DNAH6: variants seen among roughly 807,000 people sequenced by gnomAD.
DNAH6 encodes axonemal beta dynein heavy chain 6.
A neutral mutation model predicts 491.4 loss-of-function variants in DNAH6; 340 were observed. The observed-to-expected ratio is 0.69, with a 90% confidence interval of 0.63 to 0.76. DNAH6 has a LOEUF of 0.76. DNAH6 is among the 30% of genes least tolerant of loss of function. The pLI is 0.00. For missense variants in DNAH6, 4,443 were observed against 4,972.2 expected (o/e 0.89, Z 3.20); for synonymous variants, 1,603 against 1,686.1 (o/e 0.95, Z 1.21).
chr2:84,786,293 G>T (rs1285714217), intron 67 of DNAH6, among the ~76,000 whole-genome samples: 1 of 152,012 alleles, frequency 6.6e-6, no homozygotes, highest in East Asian at 1.9e-4. Context: ...AGGCATGGTG[G>T]CACACACCTG....
rs891828105 is a variant in DNAH6, at chr2:84,517,893, G to T, written c.67G>T (p.Ala23Ser). The T allele has an allele frequency of 2.6e-6, 4 of 1,551,704 alleles. No homozygotes were observed. The highest frequency in any genetic ancestry group is 2.4e-5 in the East Asian group (1 of 40,912). The change falls in exon 2 of 77, where the codon GCA (alanine) becomes TCA (serine). Residue 23 changes from alanine to serine, a missense_variant. Around this residue, in one of 3 missense-constraint regions of DNAH6, gnomAD observed 2,977 missense variants for 3,296.6 expected, o/e 0.90. Transcript: ENST00000389394. ...TATTGAAGAGTATGCCGAAAATTCT[G>T]CACTTTCAAGACTGAATAATATAAA... is the stretch of plus-strand genomic sequence containing the variant. Reference protein sequence around the residue: ...TNIEEYAENSALSRLNNIKAK... With the variant: ...TNIEEYAENSSLSRLNNIKAK...
intron 2 of DNAH6, among the ~76,000 whole-genome samples, chr2:84,523,154 A>G (rs1676303830): frequency 6.6e-6 from 1 of 152,032 alleles, no homozygotes; most frequent in African/African-American, 2.4e-5. Context: ...CTGTTCAGAG[A>G]ATCAGTTTCT....
At chr2:84,805,907 T>TAAAGAGCTCCATGTCA in intron 71 of DNAH6, 113 bp downstream of exon 71, 1 of 916,942 alleles carries the variant, frequency 1.1e-6, no homozygotes, top group Non-Finnish European at 1.5e-6. Flanking sequence ...TTTTTTAACC[T>TAAAGAGCTCCATGTCA]AAAGAGCTCT....
intron 18 of DNAH6, among the ~76,000 whole-genome samples, chr2:84,602,789 G>A (rs1685374906): frequency 7.8e-6 from 1 of 128,526 alleles, no homozygotes; most frequent in African/African-American, 2.8e-5. Context: ...ACAGGTCTTG[G>A]ATGCTCTGTT....
In DNAH6 at chr2:84,727,710, T is replaced by C; in HGVS notation, c.10014T>C (p.Asn3338=). Residue 3338 remains asparagine, a synonymous_variant, in exon 61 of 77, where the codon AAT becomes AAC. Coordinates refer to ENST00000389394, the MANE Select transcript of DNAH6 (RefSeq NM_001370.2). ...TTIETSVKTE[N]LQQRLDVLLE... ...TTGAAACTTCTGTAAAGACAGAAAA[T>C]CTACAACAGCGCCTGGACGTACTAC... 1 of 1,551,472 alleles carries C rather than the reference T, an allele frequency of 6.4e-7. No individual in the cohort carries two copies. The highest frequency in any genetic ancestry group is 8.7e-7 in the Non-Finnish European group (1 of 1,146,818).
chr2:84,659,050 C>A lies in DNAH6; in HGVS notation c.5965C>A (p.Leu1989Ile). Residue 1989 changes from leucine to isoleucine, a missense_variant, in exon 37 of 77, where the codon CTA becomes ATA. This residue lies in a region of DNAH6 where 2,977 missense variants were observed against 3,296.6 expected (regional missense o/e 0.90). Transcript: ENST00000389394. ...GGAACAAACAAAATTGAACACTATA[C>A]TATGTCAGACTTTTGTATTCTGTTA... ...AMEQTKLNTI[L>I]CQTFVFCYLW... The A allele has an allele frequency of 6.8e-7, 1 of 1,463,926 alleles. No homozygotes were observed. The highest frequency in any genetic ancestry group is 2.5e-5 in the East Asian group (1 of 39,760). The allele number at this position is 1,463,926 out of a possible 1,614,324, so 90.7% of individuals were successfully genotyped here.
chr2:84,604,580 TAC>T, intron 19 of DNAH6, 29 bp downstream of exon 19: 1 of 1,508,424 alleles, frequency 6.6e-7, no homozygotes, highest in Non-Finnish European at 9.0e-7. Context: ...TTTATCTATA[TAC>T]CATTAGGGAA....
At chr2:84,604,745 A>G (rs966793477) in intron 19 of DNAH6, among the ~76,000 whole-genome samples, 194 bp downstream of exon 19, 6 of 152,138 alleles carry the variant, frequency 3.9e-5, no homozygotes, top group East Asian at 1.9e-4. Flanking sequence ...TGCTTATCCT[A>G]TAACACATAG....
In DNAH6 at chr2:84,677,066, G is replaced by A. The variant is rs1437765511; in HGVS notation, c.6674G>A (p.Arg2225His). 14 of 1,551,698 alleles carry A rather than the reference G, an allele frequency of 9.0e-6. No individual in the cohort carries two copies. The highest frequency in any genetic ancestry group is 3.3e-4 in the Middle Eastern group (2 of 5,992). ...GGTGGCCGCAACCCTGTGACTCCCC[G>A]CTTCATCAGACACTTCAGCATGCTG... ...PGGGRNPVTP[R>H]FIRHFSMLCL... Residue 2225 changes from arginine to histidine, a missense_variant, in exon 41 of 77, where the codon CGC becomes CAC. This residue lies in a region of DNAH6 where 2,977 missense variants were observed against 3,296.6 expected (regional missense o/e 0.90). Coordinates refer to ENST00000389394, the MANE Select transcript of DNAH6 (RefSeq NM_001370.2).
chr2:84,607,926 A>G (rs975863765), intron 21 of DNAH6, among the ~76,000 whole-genome samples: 1 of 152,180 alleles, frequency 6.6e-6, no homozygotes, highest in Admixed American at 6.6e-5. Context: ...CATTTTCCCC[A>G]TGACAGAACT....
chr2:84,805,895 C>A, intron 71 of DNAH6, 101 bp downstream of exon 71: 1 of 1,080,702 alleles, frequency 9.3e-7, no homozygotes, highest in Non-Finnish European at 1.3e-6. Context: ...ATTATGTAGA[C>A]TTTTTTTAAC....
At chr2:84,509,106 C>T in the DNAH6 span, among the ~76,000 whole-genome samples, 2,076 of 152,236 alleles carry the variant, frequency 0.014, 42 homozygotes, top group Admixed American at 0.045. Flanking sequence ...GAGCTGAGTT[C>T]AATTCCTGGA....
intron 63 of DNAH6, among the ~76,000 whole-genome samples, chr2:84,760,035 T>C (rs1674416190): frequency 6.6e-6 from 1 of 152,188 alleles, no homozygotes; most frequent in Non-Finnish European, 1.5e-5. Flanking sequence ...AACCAGTCTT[T>C]GGCAAAGTCA....
intron 37 of DNAH6, among the ~76,000 whole-genome samples, chr2:84,660,443 C>T (rs1332195945): frequency 6.6e-6 from 1 of 152,080 alleles, no homozygotes; most frequent in Non-Finnish European, 1.5e-5. Context: ...AAAACTCTTT[C>T]TTATGGCTAA....
intron 11 of DNAH6, among the ~76,000 whole-genome samples, chr2:84,567,342 C>A (rs1429809736): frequency 6.6e-6 from 1 of 152,074 alleles, no homozygotes; most frequent in Non-Finnish European, 1.5e-5. Flanking sequence ...GCCTGTATAG[C>A]CAAGACAATC....
chr2:84,705,343 A>G (rs574775651), intron 51 of DNAH6, 143 bp from the exon 52 acceptor site: 3 of 829,646 alleles, frequency 3.6e-6, no homozygotes, highest in African/African-American at 3.4e-5. Context: ...GGTGCACCTA[A>G]CTACCAATTA....
chr2:84,472,776 G>A, the DNAH6 span, among the ~76,000 whole-genome samples: 12 of 152,334 alleles, frequency 7.9e-5, no homozygotes, highest in South Asian at 6.2e-4. Flanking sequence ...AAAGGGCCAA[G>A]GAGGTTAGTA....
At chr2:84,608,199 A>G (rs1049689319) in intron 21 of DNAH6, among the ~76,000 whole-genome samples, 14 of 127,114 alleles carry the variant, frequency 1.1e-4, no homozygotes, top group African/African-American at 3.9e-4. Flanking sequence ...TATTTCCACC[A>G]TATCTGCAGT....
rs763465058 is a variant in DNAH6 at position 84,547,419 on chromosome 2, A to G, written c.1065+17A>G. On this transcript the variant is annotated intron_variant, in intron 6 of 76. Coordinates refer to ENST00000389394, the MANE Select transcript of DNAH6 (RefSeq NM_001370.2). ...CTAGCAGAGGTAACAAATTTTGTCT[A>G]TAAGAATCAAAGCTTTTTTCCCTAT... The G allele has an allele frequency of 1.3e-5, 20 of 1,551,470 alleles. No individual in the cohort carries two copies. The highest frequency in any genetic ancestry group is 1.7e-5 in the Non-Finnish European group (20 of 1,146,902).
Sources: allele counts gnomAD v4.1 joint callset (sites outside exome capture counted in the v4.1 genomes callset), GRCh38; gene constraint gnomAD v4.1.1; regional missense constraint gnomAD v4.1.1; transcripts MANE v1.5; gene names NCBI Gene and HGNC (gene_info 2026-07-23, HGNC 2026-07-21).